The following IGSF21 variants were observed in gnomAD, a reference collection of about 807,000 sequenced individuals.
IGSF21 encodes the protein immunoglobulin superfamily member 21.
A neutral mutation model predicts 46.8 loss-of-function variants in IGSF21; 28 were observed. The ratio of observed to expected loss-of-function variants is 0.60; its 90% confidence interval spans 0.44 to 0.82. The LOEUF (loss-of-function observed/expected upper bound fraction) is 0.82, where lower values mean the gene tolerates loss of function less well. Among genes scored for constraint, IGSF21 ranks in the 40% least tolerant of loss-of-function variants. The probability of loss-of-function intolerance (pLI) is 0.00; values close to 1 mark genes in which losing one functional copy is unlikely to be tolerated. For synonymous variants in IGSF21, 284 were observed against 273.6 expected (o/e 1.04, Z -0.38); for missense variants, 624 against 665.5 (o/e 0.94, Z 0.69).
chr1:18,151,711 T>C (rs1450906037), intron 1 of IGSF21, among the ~76,000 whole-genome samples: 1 of 151,220 alleles, frequency 6.6e-6, no homozygotes, highest in Non-Finnish European at 1.5e-5. Flanking sequence ...GACTCACACA[T>C]CCTCCTTAAC....
chr1:18,142,182 C>T lies in IGSF21; in HGVS notation c.70+33984C>T, dbSNP rs1169388966. ...GAAGGTGAGAAACAAGCACGTGCTT[C>T]TCTTTCTCTAGCAATCCGTATCAGG... On this transcript the variant is annotated intron_variant, in intron 1 of 9. Transcript: ENST00000251296. Among the ~76,000 whole-genome samples, 5 of 152,168 alleles carry T rather than the reference C, an allele frequency of 3.3e-5. No individual in the cohort carries two copies. The East Asian group carries it at 9.6e-4, about 29-fold the overall frequency.
At position 18,328,135 on chromosome 1, in the gene IGSF21, G is replaced by C. The variant is rs72938727; in HGVS notation, c.306-6757G>C. 2.8e-3 allele frequency among the ~76,000 whole-genome samples: 427 copies of C among 152,314 alleles called. 1 individual carries two copies. Among genetic ancestry groups the C allele is most frequent in the African/African-American group, 9.8e-3 (406 of 41,570 alleles). ...GTCTTTATAGTGTGGTCATTTAAAA[G>C]TATAGATGTTCCCGGACTTATGATG... On this transcript the variant is annotated intron_variant, in intron 3 of 9. Coordinates refer to ENST00000251296, the MANE Select transcript of IGSF21 (RefSeq NM_032880.5).
intron 1 of IGSF21, among the ~76,000 whole-genome samples, chr1:18,194,650 C>T (rs2086990788): frequency 6.6e-6 from 1 of 152,166 alleles, no homozygotes. Context: ...TAGGGCTCAC[C>T]CTCATCCAGT....
chr1:18,228,049 G>C (rs1438560476), intron 2 of IGSF21, 39 bp downstream of exon 2: 14 of 1,505,276 alleles, frequency 9.3e-6, no homozygotes, highest in Non-Finnish European at 1.2e-5. Context: ...CCCATGGCCA[G>C]GACTGGTGTG....
intron 2 of IGSF21, among the ~76,000 whole-genome samples, chr1:18,288,838 G>T (rs2085240158): frequency 6.6e-6 from 1 of 152,208 alleles, no homozygotes; most frequent in African/African-American, 2.4e-5. Flanking sequence ...ATAAGCACTT[G>T]TCTCCAGCTG....
intron 1 of IGSF21, among the ~76,000 whole-genome samples, chr1:18,126,218 T>A (rs994419464): frequency 3.3e-5 from 5 of 152,124 alleles, no homozygotes; most frequent in African/African-American, 1.2e-4. Context: ...GAGAGCTCGC[T>A]CGCTTTGGCT....
chr1:18,365,582 A>T lies in IGSF21; in HGVS notation c.900A>T (p.Glu300Asp). The T allele has an allele frequency of 1.9e-6, 3 of 1,614,172 alleles. No individual in the cohort carries two copies. The highest frequency in any genetic ancestry group is 2.5e-6 in the Non-Finnish European group (3 of 1,180,036). The change falls in exon 6 of 10, where the codon GAA (glutamate) becomes GAT (aspartate). Residue 300 changes from glutamate to aspartate, a missense_variant. Glu to Asp is a conservative substitution (Grantham distance 45, BLOSUM62 2). Transcript: ENST00000251296. The surrounding 1 kb of genome is among the most constrained non-coding windows in gnomAD (Gnocchi z 4.8). ...CCCCGAGCAGTGACGGCACTGTGGA[A>T]GTACGTGCCCTGCTCACCTGGACCC... ...SRTPSSDGTV[E>D]VRALLTWTLN...
rs2085258459 is a variant in IGSF21 at position 18,290,868 on chromosome 1, G to A, written c.184-998G>A. On this transcript the variant is annotated intron_variant, in intron 2 of 9. Coordinates refer to ENST00000251296, the MANE Select transcript of IGSF21 (RefSeq NM_032880.5). The surrounding 1 kb of genome is among the most constrained non-coding windows in gnomAD (Gnocchi z 4.2). ...TTCCCCGCTGCCTCCACCACACAGA[G>A]CCGCAGGGAGCTAATTCCACTTCTC... Among the ~76,000 whole-genome samples, 1 of 151,664 alleles carries A rather than the reference G, an allele frequency of 6.6e-6. No homozygotes were observed. The highest frequency in any genetic ancestry group is 2.4e-5 in the African/African-American group (1 of 41,292).
rs1001314065 is a variant in IGSF21 at position 18,193,105 on chromosome 1, G to T, written c.71-34793G>T. On this transcript the variant is annotated intron_variant, in intron 1 of 9. Transcript: ENST00000251296. ...AGTGGCCCACAGGGAAGGGGGTGAG[G>T]GCTGTGTCCAGGGGCTTTTGAGGAA... 5.3e-5 allele frequency among the ~76,000 whole-genome samples: 8 copies of T among 152,162 alleles called. 1 individual carries two copies. In the South Asian group the frequency reaches 1.7e-3, roughly 32 times the overall value.
At chr1:18,327,294 A>G (rs2085667023) in intron 3 of IGSF21, among the ~76,000 whole-genome samples, 2 of 152,220 alleles carry the variant, frequency 1.3e-5, no homozygotes, top group Non-Finnish European at 2.9e-5. Context: ...GCAAAAAGAC[A>G]AAAACTCATG....
intron 2 of IGSF21, among the ~76,000 whole-genome samples, chr1:18,246,813 G>GC (rs2084788882): frequency 1.3e-5 from 2 of 152,294 alleles, no homozygotes; most frequent in South Asian, 4.1e-4. Flanking sequence ...TCTGCACCCT[G>GC]CCCCAGGCTC....
chr1:18,311,405 G>C (rs1169446533), intron 3 of IGSF21, among the ~76,000 whole-genome samples: 3 of 152,156 alleles, frequency 2.0e-5, no homozygotes, highest in African/African-American at 4.8e-5. Flanking sequence ...CCTCTGCTTC[G>C]TCTCTGCACT....
At chr1:18,211,599 A>T (rs1384304323) in intron 1 of IGSF21, among the ~76,000 whole-genome samples, 1 of 152,178 alleles carries the variant, frequency 6.6e-6, no homozygotes, top group Non-Finnish European at 1.5e-5. Flanking sequence ...ATTAATTCGT[A>T]TGTGCTAAAG....
intron 2 of IGSF21, among the ~76,000 whole-genome samples, chr1:18,233,952 A>G (rs2084650644): frequency 6.6e-6 from 1 of 152,176 alleles, no homozygotes; most frequent in South Asian, 2.1e-4. Context: ...ATGTTTCATT[A>G]TTTGAAGCAA....
chr1:18,354,987 C>T (rs1426807223), intron 4 of IGSF21, among the ~76,000 whole-genome samples: 2 of 152,188 alleles, frequency 1.3e-5, no homozygotes, highest in Non-Finnish European at 2.9e-5. Context: ...AGCTGAGAGG[C>T]TGGCAGGGTA....
At chr1:18,152,806 T>C (rs867669939) in intron 1 of IGSF21, among the ~76,000 whole-genome samples, 65 of 152,260 alleles carry the variant, frequency 4.3e-4, no homozygotes, top group African/African-American at 1.4e-3. Context: ...AAGATGCCGC[T>C]TCTTCACGTA....
intron 1 of IGSF21, among the ~76,000 whole-genome samples, chr1:18,216,476 G>A (rs1570347148): frequency 6.6e-6 from 1 of 152,156 alleles, no homozygotes; most frequent in South Asian, 2.1e-4. Context: ...TGAGATTTTA[G>A]GGGGCTGGGT....
At position 18,200,092 on chromosome 1, in the gene IGSF21, A is replaced by G. The variant is rs901004903; in HGVS notation, c.71-27806A>G. On this transcript the variant is annotated intron_variant, in intron 1 of 9. Coordinates refer to ENST00000251296, the MANE Select transcript of IGSF21 (RefSeq NM_032880.5). ...CCCTTGAGATTCTGCCCATTGTGGG[A>G]CAGTGGGAAGGCTTGCCTTAGTTCT... 1.3e-4 allele frequency among the ~76,000 whole-genome samples: 20 copies of G among 152,118 alleles called. 1 individual carries two copies. Among genetic ancestry groups the G allele is most frequent in the African/African-American group, 4.8e-4 (20 of 41,404 alleles).
intron 1 of IGSF21, among the ~76,000 whole-genome samples, chr1:18,224,872 C>T (rs1444472498): frequency 1.3e-5 from 2 of 151,944 alleles, no homozygotes; most frequent in Admixed American, 6.6e-5. Flanking sequence ...TGAGATCACC[C>T]TGGCCGACAT....
Sources: gnomAD v4.1 joint callset for allele counts (sites outside exome capture counted in the v4.1 genomes callset) on GRCh38, gnomAD v4.1.1 for gene constraint, Gnocchi (gnomAD v3.1) non-coding constraint, MANE v1.5 for transcripts, NCBI Gene and HGNC (gene_info 2026-07-23, HGNC 2026-07-21) for gene names.